The following C10orf67 variants were observed in gnomAD, a reference collection of about 807,000 sequenced individuals.
C10orf67 encodes the protein uncharacterized protein C10orf67, mitochondrial.
Under a neutral mutation model 35.6 loss-of-function variants are expected in C10orf67, and 60 were observed. The observed-to-expected ratio is 1.68, with a 90% confidence interval of 1.37 to 2.09. C10orf67 has a LOEUF of 2.09. Among genes scored for constraint, C10orf67 ranks in the 30% most tolerant of loss-of-function variants. The pLI is 0.00. For synonymous variants in C10orf67, 167 were observed against 115.8 expected (o/e 1.44, Z -2.84); for missense variants, 474 against 330.2 (o/e 1.44, Z -3.38).
intron 12 of C10orf67, among the ~76,000 whole-genome samples, chr10:23,244,361 G>T (rs1842260800): frequency 1.3e-5 from 2 of 152,116 alleles, no homozygotes; most frequent in Admixed American, 1.3e-4. Flanking sequence ...AAGAAAAGAA[G>T]TCTGAAAAAT....
At chr10:23,258,013 A>C (rs2132174909) in intron 10 of C10orf67, among the ~76,000 whole-genome samples, 1 of 152,268 alleles carries the variant, frequency 6.6e-6, no homozygotes, top group Non-Finnish European at 1.5e-5. Flanking sequence ...AATTTATTTC[A>C]ATCTCTACTA....
intron 4 of C10orf67, among the ~76,000 whole-genome samples, chr10:23,306,549 AAAGAAT>A: frequency 6.6e-6 from 1 of 151,052 alleles, no homozygotes; most frequent in Admixed American, 6.6e-5. Flanking sequence ...AAAAAAAAAA[AAAGAAT>A]GGTGGTTGAC....
chr10:23,264,096 TA>T (rs1842824364), intron 10 of C10orf67, among the ~76,000 whole-genome samples: 1 of 152,214 alleles, frequency 6.6e-6, no homozygotes, highest in Non-Finnish European at 1.5e-5. Context: ...TTACACGTGG[TA>T]AACGTTATAA....
At chr10:23,239,671 A>G (rs1231035265) in intron 13 of C10orf67, 58 bp downstream of exon 13, 2 of 606,980 alleles carry the variant, frequency 3.3e-6, no homozygotes, top group Middle Eastern at 2.5e-4. Context: ...GAGAACAGAA[A>G]GAAACAGACA....
intron 15 of C10orf67, among the ~76,000 whole-genome samples, chr10:23,206,335 C>T (rs1841157319): frequency 6.6e-6 from 1 of 152,154 alleles, no homozygotes; most frequent in Non-Finnish European, 1.5e-5. Context: ...TGAGGGAAAA[C>T]AATTACATGT....
chr10:23,307,818 C>G (rs2132298181), intron 4 of C10orf67, among the ~76,000 whole-genome samples: 1 of 152,066 alleles, frequency 6.6e-6, no homozygotes, highest in African/African-American at 2.4e-5. Flanking sequence ...AGGGCTTTGC[C>G]ACATTGCCCA....
At chr10:23,336,197 A>T (rs1845674655) in intron 1 of C10orf67, among the ~76,000 whole-genome samples, 1 of 152,216 alleles carries the variant, frequency 6.6e-6, no homozygotes. Context: ...ACAGAAGTCA[A>T]GTTTTTCAGT....
chr10:23,225,182 T>A (rs1841702772), intron 13 of C10orf67, among the ~76,000 whole-genome samples: 1 of 152,160 alleles, frequency 6.6e-6, no homozygotes, highest in Non-Finnish European at 1.5e-5. Context: ...CGGCAGAAAC[T>A]CTACAAGCCA....
chr10:23,302,554 C>A (rs1361117826), intron 5 of C10orf67, among the ~76,000 whole-genome samples: 1 of 152,180 alleles, frequency 6.6e-6, no homozygotes, highest in Admixed American at 6.5e-5. Flanking sequence ...ATCTGTTAGC[C>A]TTTCCAAATC....
chr10:23,210,098 C>T (rs987736297), intron 15 of C10orf67, among the ~76,000 whole-genome samples: 3 of 151,412 alleles, frequency 2.0e-5, no homozygotes, highest in Non-Finnish European at 4.4e-5. Flanking sequence ...ATTTTATTTG[C>T]CATTTGTAAG....
intron 1 of C10orf67, among the ~76,000 whole-genome samples, chr10:23,343,664 G>A (rs1846007435): frequency 6.6e-6 from 1 of 152,188 alleles, no homozygotes; most frequent in African/African-American, 2.4e-5. Context: ...CGGCCCCTGT[G>A]AGAGGGTCGC....
At chr10:23,341,784 C>T (rs1564525983) in intron 1 of C10orf67, among the ~76,000 whole-genome samples, 1 of 152,140 alleles carries the variant, frequency 6.6e-6, no homozygotes. Context: ...CACTTGCTAG[C>T]CTGATAGATC....
intron 13 of C10orf67, among the ~76,000 whole-genome samples, chr10:23,235,583 G>A (rs764581394): frequency 5.9e-5 from 9 of 152,112 alleles, no homozygotes; most frequent in Non-Finnish European, 1.2e-4. Context: ...TGTGGAATTT[G>A]GTTGAACAAT....
downstream of C10orf67, chr10:23,202,069 G>A (rs911949729): frequency 2.0e-5 from 3 of 152,182 alleles, no homozygotes; most frequent in Non-Finnish European, 2.9e-5. Context: ...GTGTCTAGCT[G>A]GAGCTGAATA....
At chr10:23,329,827 GA>G (rs1333915263) in intron 2 of C10orf67, among the ~76,000 whole-genome samples, 6 of 117,814 alleles carry the variant, frequency 5.1e-5, no homozygotes, top group Non-Finnish European at 7.3e-5. Flanking sequence ...GAAAAGAAAA[GA>G]AAAAAATTAT....
intron 2 of C10orf67, among the ~76,000 whole-genome samples, chr10:23,332,756 A>G (rs1346923099): frequency 6.6e-6 from 1 of 152,200 alleles, no homozygotes; most frequent in Non-Finnish European, 1.5e-5. Context: ...ACAGTTATTC[A>G]TTATATATGC....
At chr10:23,267,635 C>T (rs897437757) in intron 8 of C10orf67, among the ~76,000 whole-genome samples, 2 of 152,164 alleles carry the variant, frequency 1.3e-5, no homozygotes, top group Non-Finnish European at 2.9e-5. Context: ...AGGCCGGGCA[C>T]GGTGGCTCAC....
Position 23,274,777 on chromosome 10 carries a change from C to A in C10orf67, c.975+7236G>T, listed in dbSNP as rs117393012. On this transcript the variant is annotated intron_variant, in intron 8 of 15. Coordinates refer to ENST00000636213, the MANE Select transcript of C10orf67 (RefSeq NM_001371909.1). ...AGATGACGGGATTGAGAGATTAAATCCTATGCCTAGGATTTAATAGGCATA... is the reference window on the plus strand; with the variant it reads ...AGATGACGGGATTGAGAGATTAAATACTATGCCTAGGATTTAATAGGCATA... 3.0e-3 allele frequency among the ~76,000 whole-genome samples: 459 copies of A among 152,142 alleles called. 14 individuals carry two copies. The East Asian group carries it at 0.049, about 16-fold the overall frequency.
At chr10:23,244,693 T>C (rs553274093) in intron 12 of C10orf67, among the ~76,000 whole-genome samples, 1 of 152,178 alleles carries the variant, frequency 6.6e-6, no homozygotes, top group South Asian at 2.1e-4. Context: ...AAGAAAGAAG[T>C]TAAAGTAGAT....
Sources: allele counts gnomAD v4.1 joint callset (sites outside exome capture counted in the v4.1 genomes callset), GRCh38; gene constraint gnomAD v4.1.1; transcripts MANE v1.5; gene names NCBI Gene and HGNC (gene_info 2026-07-23, HGNC 2026-07-21).